The following PTPRD variants were observed in gnomAD, a reference collection of about 807,000 sequenced individuals.
PTPRD encodes protein tyrosine phosphatase receptor type D.
PTPRD carries 34 observed loss-of-function variants against 214.5 expected under a neutral mutation model. The observed-to-expected ratio is 0.16, with a 90% CI of 0.12 to 0.21. The LOEUF is 0.21. Among genes scored for constraint, PTPRD ranks in the 10% least tolerant of loss-of-function variants. The pLI, the probability that PTPRD is intolerant of heterozygous loss-of-function variation, is 1.00. For synonymous variants in PTPRD, 1,128 were observed against 845.7 expected, an observed-to-expected ratio of 1.33 and a Z score of -5.79; for missense variants, 2,545 against 2,398.7, an observed-to-expected ratio of 1.06 and a Z score of -1.27.
intron 39 of PTPRD, among the ~76,000 whole-genome samples, chr9:8,373,491 A>G (rs6477299): frequency 0.67 from 102,408 of 151,804 alleles, 36,372 homozygotes; most frequent in Non-Finnish European, 0.8. Context: ...AGCCTCAGGC[A>G]CAGCACTTCC....
At chr9:9,705,733 CA>C (rs2097587486) in intron 7 of PTPRD, among the ~76,000 whole-genome samples, 1 of 151,786 alleles carries the variant, frequency 6.6e-6, no homozygotes, top group South Asian at 2.1e-4. Flanking sequence ...TACTAATGTA[CA>C]AAAAAATCAA....
chr9:9,039,487 G>T (rs1299182202), intron 10 of PTPRD, among the ~76,000 whole-genome samples: 1 of 152,092 alleles, frequency 6.6e-6, no homozygotes, highest in Admixed American at 6.5e-5. Flanking sequence ...ACCAAATCCA[G>T]CCCACCATCC....
chr9:8,727,041 GAAGTT>G (rs751552065), intron 12 of PTPRD, among the ~76,000 whole-genome samples: 206 of 152,070 alleles, frequency 1.4e-3, no homozygotes, highest in Non-Finnish European at 1.5e-3. Flanking sequence ...GAAAATTAAA[GAAGTT>G]AAGAATGTTA....
At position 9,229,979 on chromosome 9, in the gene PTPRD, T is replaced by A. The variant is rs1433760507; in HGVS notation, c.-202-46616A>T. ...GAGATTTATTTTCATTTATTAAGAT[T>A]TATCTTGTAATGAAAATCTAATTAT... On this transcript the variant is annotated intron_variant, in intron 9 of 45. Transcript: ENST00000381196. Among the ~76,000 whole-genome samples the A allele has an allele frequency of 2.0e-5, 3 of 152,132 alleles. No individual in the cohort carries two copies. The East Asian group carries it at 5.8e-4, about 29-fold the overall frequency.
At chr9:9,526,824 G>T (rs2074238380) in intron 8 of PTPRD, among the ~76,000 whole-genome samples, 1 of 152,064 alleles carries the variant, frequency 6.6e-6, no homozygotes, top group African/African-American at 2.4e-5. Context: ...GTCACCTAAA[G>T]CTTGGCAGTT....
intron 2 of PTPRD, among the ~76,000 whole-genome samples, chr9:10,540,187 G>A (rs139715684): frequency 1.3e-5 from 2 of 152,140 alleles, no homozygotes; most frequent in Non-Finnish European, 2.9e-5. Context: ...GCACCACTAT[G>A]CCCGGCTAAT....
At chr9:8,623,496 T>C (rs976454937) in intron 14 of PTPRD, among the ~76,000 whole-genome samples, 1 of 151,908 alleles carries the variant, frequency 6.6e-6, no homozygotes, top group African/African-American at 2.4e-5. Flanking sequence ...ATTCTGCCTG[T>C]GCCAAAAAGT....
At chr9:8,866,900 C>T (rs1385631131) in intron 11 of PTPRD, among the ~76,000 whole-genome samples, 2 of 152,068 alleles carry the variant, frequency 1.3e-5, no homozygotes, top group East Asian at 1.9e-4. Context: ...TAATAGAAAG[C>T]ACTAACCTCC....
At chr9:9,458,731 A>G (rs2093340354) in intron 8 of PTPRD, among the ~76,000 whole-genome samples, 1 of 152,050 alleles carries the variant, frequency 6.6e-6, no homozygotes, top group Admixed American at 6.6e-5. Flanking sequence ...GCTTCAGTCC[A>G]GGAATCCTAG....
chr9:8,762,307 G>C (rs886817845), intron 11 of PTPRD, among the ~76,000 whole-genome samples: 3 of 152,030 alleles, frequency 2.0e-5, no homozygotes, highest in Non-Finnish European at 4.4e-5. Flanking sequence ...GTTTCCTACT[G>C]ACAGTATAAA....
Position 9,326,269 on chromosome 9 carries a change from G to T in PTPRD, c.-203+71180C>A, listed in dbSNP as rs142080987. Among the ~76,000 whole-genome samples, 98 of 152,188 alleles carry T rather than the reference G, an allele frequency of 6.4e-4. 1 individual carries two copies. The highest frequency in any genetic ancestry group is 2.2e-3 in the African/African-American group (93 of 41,534). On this transcript the variant is annotated intron_variant, in intron 9 of 45. Transcript: ENST00000381196. ...TCAAATATCTCTTTGATGACAATAG[G>T]AGGAAATGATAATTCATGTGGATAA...
chr9:8,476,895 T>G (rs1227422800), intron 30 of PTPRD, among the ~76,000 whole-genome samples: 1 of 152,130 alleles, frequency 6.6e-6, no homozygotes, highest in African/African-American at 2.4e-5. Context: ...TTTTTCTCCT[T>G]TCTTCAAACC....
chr9:9,666,814 T>C (rs2096732030), intron 7 of PTPRD, among the ~76,000 whole-genome samples: 1 of 152,032 alleles, frequency 6.6e-6, no homozygotes, highest in Non-Finnish European at 1.5e-5. Context: ...ATCTATCAAC[T>C]CTAAGGATAA....
At chr9:10,082,423 A>G (rs770740730) in intron 3 of PTPRD, among the ~76,000 whole-genome samples, 3 of 151,984 alleles carry the variant, frequency 2.0e-5, no homozygotes, top group Non-Finnish European at 4.4e-5. Context: ...AGGCGTGTGC[A>G]CTGATTATGC....
chr9:9,444,539 C>T (rs796658621), intron 8 of PTPRD, among the ~76,000 whole-genome samples: 36 of 152,198 alleles, frequency 2.4e-4, no homozygotes, highest in African/African-American at 8.2e-4. Context: ...ATTGCCAGTG[C>T]TCTAATAAAC....
intron 4 of PTPRD, among the ~76,000 whole-genome samples, chr9:9,987,566 T>C (rs2095761860): frequency 6.6e-6 from 1 of 152,052 alleles, no homozygotes; most frequent in South Asian, 2.1e-4. Context: ...CCCGACAACA[T>C]GTGGGAATTA....
intron 8 of PTPRD, among the ~76,000 whole-genome samples, chr9:9,533,694 C>G (rs977798325): frequency 6.6e-6 from 1 of 151,758 alleles, no homozygotes. Flanking sequence ...TCTTATAAAT[C>G]CACCTTAATA....
intron 20 of PTPRD, among the ~76,000 whole-genome samples, 186 bp downstream of exon 20, chr9:8,521,091 C>G (rs140568243): frequency 6.6e-6 from 1 of 151,986 alleles, no homozygotes; most frequent in South Asian, 2.1e-4. Context: ...CAGATACTTC[C>G]AAGAAAAAAT....
chr9:8,681,834 G>A (rs563341713), intron 12 of PTPRD, among the ~76,000 whole-genome samples: 2 of 152,278 alleles, frequency 1.3e-5, no homozygotes, highest in South Asian at 4.1e-4. Context: ...TAAGAATTCA[G>A]TGATTGCCCT....
Sources: allele counts gnomAD v4.1 joint callset (sites outside exome capture counted in the v4.1 genomes callset), GRCh38; gene constraint gnomAD v4.1.1; transcripts MANE v1.5; gene names NCBI Gene and HGNC (gene_info 2026-07-23, HGNC 2026-07-21).